ALS2: variants seen among roughly 807,000 people sequenced by gnomAD.
ALS2 encodes the protein alsin.
Under a neutral mutation model 203.4 loss-of-function variants are expected in ALS2, and 117 were observed. That is an observed-to-expected ratio of 0.58 (90% CI 0.50 to 0.67). The LOEUF is 0.67. Among genes scored for constraint, ALS2 ranks in the 30% least tolerant of loss-of-function variants. The probability of loss-of-function intolerance (pLI) is 0.00; values close to 1 mark genes in which losing one functional copy is unlikely to be tolerated. For missense variants in ALS2, 1,715 were observed against 1,989.4 expected (o/e 0.86, Z 2.62); for synonymous variants, 718 against 725.9 (o/e 0.99, Z 0.17).
At chr2:201,779,222 A>AC in intron 1 of ALS2, among the ~76,000 whole-genome samples, 1 of 152,348 alleles carries the variant, frequency 6.6e-6, no homozygotes, top group Non-Finnish European at 1.5e-5. Flanking sequence ...GTACATTTAA[A>AC]AAGTAAATGG....
chr2:201,757,514 C>T lies in ALS2; in HGVS notation c.1359G>A (p.Gln453=). The T allele has an allele frequency of 6.2e-7, 1 of 1,614,002 alleles. No homozygotes were observed. The change falls in exon 5 of 34, where the codon CAG becomes CAA. Residue 453 remains glutamine (Q), a synonymous_variant. Transcript: ENST00000264276. ...PEGLKDSREE[Q]VKQESMQGKK... is the part of the protein sequence containing the mutation. Reference sequence around the variant, plus strand: ...TTCCTTGCATTGATTCCTGTTTAACCTGTTCTTCCCTGCTATCTTTCAAAC... The same window carrying T: ...TTCCTTGCATTGATTCCTGTTTAACTTGTTCTTCCCTGCTATCTTTCAAAC...
chr2:201,743,886 AAATTCAGATAG>A (rs1406127789), intron 10 of ALS2, among the ~76,000 whole-genome samples: 3 of 152,198 alleles, frequency 2.0e-5, no homozygotes, highest in Non-Finnish European at 4.4e-5. Flanking sequence ...GGAAAATAAA[AAATTCAGATAG>A]TATACTGGAA....
intron 4 of ALS2, among the ~76,000 whole-genome samples, chr2:201,758,480 T>C (rs1693537792): frequency 6.6e-6 from 1 of 152,188 alleles, no homozygotes; most frequent in Non-Finnish European, 1.5e-5. Flanking sequence ...CCAGTGTTCT[T>C]AGTGTGATTC....
chr2:201,770,010 G>T (rs1694302199), intron 1 of ALS2, among the ~76,000 whole-genome samples: 1 of 152,146 alleles, frequency 6.6e-6, no homozygotes, highest in African/African-American at 2.4e-5. Context: ...GTTAACAAGA[G>T]ATATATCTGA....
At chr2:201,739,708 A>G (rs1390203362) in intron 11 of ALS2, among the ~76,000 whole-genome samples, 1 of 151,014 alleles carries the variant, frequency 6.6e-6, no homozygotes, top group Non-Finnish European at 1.5e-5. Context: ...GTGCCATTGC[A>G]CTCCAGCCTG....
intron 12 of ALS2, among the ~76,000 whole-genome samples, chr2:201,733,722 T>C (rs190237309): frequency 7.9e-5 from 12 of 152,262 alleles, no homozygotes; most frequent in Admixed American, 6.5e-4. Flanking sequence ...CAATTTAAGA[T>C]GAATAATCAG....
rs34345642 is a variant in ALS2 at position 201,706,535 on chromosome 2, T to TTA, written c.4580+309_4580+310dup. Among the ~76,000 whole-genome samples the TTA allele has an allele frequency of 2.8e-3, 397 of 143,834 alleles. 2 individuals are homozygous for TTA. Among genetic ancestry groups the TTA allele is most frequent in the African/African-American group, 9.1e-3 (354 of 39,098 alleles). The allele number at this position is 143,834 out of a possible 152,430, so 94.4% of individuals were successfully genotyped here. On this transcript the variant is annotated intron_variant, in intron 29 of 33. Coordinates refer to ENST00000264276, the MANE Select transcript of ALS2 (RefSeq NM_020919.4). The stretch of plus-strand genomic sequence containing the variant: ...AATACCAGGCAAAATAGCTCACACT[T>TTA]TATATATATATATATATATAACTAT...
At chr2:201,707,400 G>A (rs558419536) in intron 28 of ALS2, among the ~76,000 whole-genome samples, 18 of 151,866 alleles carry the variant, frequency 1.2e-4, no homozygotes, top group Non-Finnish European at 2.5e-4. Flanking sequence ...AGAGAACTAA[G>A]AGGGACCTCA....
chr2:201,747,422 G>C (rs894550041), intron 8 of ALS2, among the ~76,000 whole-genome samples: 1 of 151,260 alleles, frequency 6.6e-6, no homozygotes, highest in Non-Finnish European at 1.5e-5. Context: ...CAGAGCTACT[G>C]GGGGAAGGGG....
chr2:201,706,189 C>T (rs2105966241), intron 29 of ALS2, among the ~76,000 whole-genome samples: 1 of 152,012 alleles, frequency 6.6e-6, no homozygotes, highest in South Asian at 2.1e-4. Context: ...AGTTCGAGAC[C>T]AGCCTGGCCA....
At chr2:201,725,993 TAC>T (rs1691138841) in intron 19 of ALS2, among the ~76,000 whole-genome samples, 1 of 152,234 alleles carries the variant, frequency 6.6e-6, no homozygotes, top group Middle Eastern at 3.2e-3. Flanking sequence ...TAAATACATT[TAC>T]AGTGTTAGAA....
intron 1 of ALS2, among the ~76,000 whole-genome samples, chr2:201,775,337 A>C (rs1175357329): frequency 6.6e-6 from 1 of 152,238 alleles, no homozygotes; most frequent in Non-Finnish European, 1.5e-5. Flanking sequence ...AATTTCCTAT[A>C]GTCATTAACA....
At chr2:201,771,051 T>A (rs1359583260) in intron 1 of ALS2, among the ~76,000 whole-genome samples, 2 of 150,174 alleles carry the variant, frequency 1.3e-5, no homozygotes, top group African/African-American at 4.9e-5. Flanking sequence ...GATTTTTTTT[T>A]TTTTTTTTTT....
At chr2:201,711,368 C>A (rs1690017830) in intron 25 of ALS2, among the ~76,000 whole-genome samples, 1 of 152,162 alleles carries the variant, frequency 6.6e-6, no homozygotes, top group African/African-American at 2.4e-5. Flanking sequence ...CTTCATTCTA[C>A]AATGAAGATT....
rs775557662 is a variant in ALS2, at chr2:201,760,919, C to G, written c.1075G>C (p.Glu359Gln). The G allele has an allele frequency of 2.5e-6, 4 of 1,614,208 alleles. No homozygotes were observed. Among genetic ancestry groups the G allele is most frequent in the Non-Finnish European group, 2.5e-6 (3 of 1,180,018 alleles). The change falls in exon 4 of 34, where the codon GAG becomes CAG. Residue 359 changes from glutamate to glutamine, a missense_variant. Glu to Gln is a conservative substitution (Grantham distance 29). Coordinates refer to ENST00000264276, the MANE Select transcript of ALS2 (RefSeq NM_020919.4). ...LRKLSDHSVR[E>Q]DSEHGEKPVP... ...GGCTTTTCACCATGCTCTGAGTCCT[C>G]TCTTACTGAATGATCTGACAGTTTC...
intron 26 of ALS2, 54 bp downstream of exon 26, chr2:201,710,937 G>T: frequency 9.6e-7 from 1 of 1,044,414 alleles, no homozygotes; most frequent in Non-Finnish European, 1.5e-6. Flanking sequence ...ATGATATATT[G>T]TGGTAGGTGA....
rs112468742 is a variant in ALS2, at chr2:201,719,481, C to T, written c.3703-1271G>A. Among the ~76,000 whole-genome samples the T allele has an allele frequency of 6.9e-3, 1,055 of 152,226 alleles. 16 individuals are homozygous for T. Among genetic ancestry groups the T allele is most frequent in the African/African-American group, 0.025 (1,019 of 41,560 alleles). Reference sequence around the variant, plus strand: ...GCACGTGCCTGTAATCCCATCTACTCAGGAGGCTGAGGCAGGAGAATCGCT... The same window carrying T: ...GCACGTGCCTGTAATCCCATCTACTTAGGAGGCTGAGGCAGGAGAATCGCT... On this transcript the variant is annotated intron_variant, in intron 23 of 33. Transcript: ENST00000264276.
chr2:201,742,389 C>T (rs1338468299), intron 10 of ALS2, among the ~76,000 whole-genome samples: 13 of 152,222 alleles, frequency 8.5e-5, no homozygotes, highest in Admixed American at 8.5e-4. Flanking sequence ...TGAGGATGCT[C>T]TGAATTTCAG....
Position 201,757,269 on chromosome 2 carries a change from C to G in ALS2, c.1471+133G>C, listed in dbSNP as rs904740142. 4 of 786,762 alleles carry G rather than the reference C, an allele frequency of 5.1e-6. No individual in the cohort carries two copies. In the African/African-American group the frequency reaches 6.9e-5, roughly 14 times the overall value. The allele number at this position is 786,762 out of a possible 1,614,324, so 48.7% of individuals were successfully genotyped here. Reference sequence around the variant, plus strand: ...ACATGTAACTTTCTTTTAAAACCACCATTAAATAAATATTCACATTTGAAT... The same window carrying G: ...ACATGTAACTTTCTTTTAAAACCACGATTAAATAAATATTCACATTTGAAT... On this transcript the variant is annotated intron_variant, in intron 5 of 33. Coordinates refer to ENST00000264276, the MANE Select transcript of ALS2 (RefSeq NM_020919.4).
Sources: gnomAD v4.1 joint callset for allele counts (sites outside exome capture counted in the v4.1 genomes callset) on GRCh38, gnomAD v4.1.1 for gene constraint, MANE v1.5 for transcripts, NCBI Gene and HGNC (gene_info 2026-07-23, HGNC 2026-07-21) for gene names.